Variants in GPR55 observed in about 807,000 individuals in gnomAD.
The protein encoded by GPR55 is G protein-coupled receptor 55.
In GPR55, 6 loss-of-function variants were observed where a neutral mutation model predicts 7.9. That is an observed-to-expected ratio of 0.76 (90% CI 0.41 to 1.49). GPR55 has a LOEUF of 1.49. GPR55 is among the 40% of genes most tolerant of loss of function. The pLI is 0.01. For missense variants in GPR55, 376 were observed against 406.0 expected, an observed-to-expected ratio of 0.93 and a Z score of 0.63; for synonymous variants, 183 against 166.8, an observed-to-expected ratio of 1.10 and a Z score of -0.75.
chr2:230,955,806 AG>A (rs1425526948), intron 1 of GPR55, among the ~76,000 whole-genome samples: 4 of 151,304 alleles, frequency 2.6e-5, no homozygotes, highest in Non-Finnish European at 4.4e-5. Context: ...GGCTCACTGC[AG>A]CCTTGACCTC....
intron 1 of GPR55, among the ~76,000 whole-genome samples, chr2:230,917,115 T>C (rs1690734138): frequency 6.6e-6 from 1 of 152,218 alleles, no homozygotes; most frequent in African/African-American, 2.4e-5. Flanking sequence ...CTTATTTTTA[T>C]AGAATAAAAT....
At chr2:230,928,435 C>A (rs1368617681), upstream of GPR55, 5 of 152,240 alleles carry the variant, frequency 3.3e-5, no homozygotes, top group Non-Finnish European at 7.3e-5. Flanking sequence ...CCTCTCTGAG[C>A]CCATTTCCCC....
chr2:230,917,758 T>G (rs1397629145), intron 1 of GPR55, among the ~76,000 whole-genome samples: 3 of 152,174 alleles, frequency 2.0e-5, no homozygotes, highest in Admixed American at 6.5e-5. Context: ...GAGGCTGCAG[T>G]GACCTGTGAT....
chr2:230,912,816 C>A (rs148930569), intron 1 of GPR55, among the ~76,000 whole-genome samples: 2 of 152,182 alleles, frequency 1.3e-5, no homozygotes, highest in African/African-American at 4.8e-5. Flanking sequence ...GTATTCCAGG[C>A]GCTCAATAAG....
rs1338502875 is a variant in GPR55, at chr2:230,909,943, G to A, written c.*60C>T. ...CCACCACATCAAAACCCTGGAACGC[G>A]ATATCCGTTACCAGAATTCAGGGCC... On this transcript the variant is annotated 3_prime_UTR_variant, in exon 2 of 2. Transcript: ENST00000650999. The A allele has an allele frequency of 1.6e-5, 25 of 1,515,444 alleles. No individual in the cohort carries two copies. The highest frequency in any genetic ancestry group is 2.2e-5 in the Non-Finnish European group (24 of 1,113,280). 93.9% of individuals were successfully genotyped at this position (1,515,444 alleles called of 1,614,324 possible).
chr2:230,956,816 ACC>A (rs1691489164), intron 1 of GPR55, among the ~76,000 whole-genome samples: 1 of 151,830 alleles, frequency 6.6e-6, no homozygotes, highest in African/African-American at 2.4e-5. Context: ...CTGTCTCCCT[ACC>A]TTTTTTCGTC....
intron 1 of GPR55, among the ~76,000 whole-genome samples, chr2:230,949,052 G>C (rs574312486): frequency 1.4e-3 from 213 of 152,356 alleles, no homozygotes; most frequent in African/African-American, 4.7e-3. Context: ...CTTGGCAACA[G>C]ACTGAGACCC....
chr2:230,930,577 A>G (rs998364624), intron 1 of GPR55, among the ~76,000 whole-genome samples: 1 of 150,752 alleles, frequency 6.6e-6, no homozygotes, highest in African/African-American at 2.4e-5. Flanking sequence ...CAGCCTCTCA[A>G]CTTCCCAGGA....
At chr2:230,940,072 C>G (rs536613243) in intron 1 of GPR55, among the ~76,000 whole-genome samples, 1 of 152,258 alleles carries the variant, frequency 6.6e-6, no homozygotes, top group South Asian at 2.1e-4. Flanking sequence ...TACGTGGCCC[C>G]CCTGGAGTCC....
intron 1 of GPR55, among the ~76,000 whole-genome samples, chr2:230,950,942 C>T (rs1012491233): frequency 7.9e-5 from 12 of 152,098 alleles, no homozygotes; most frequent in African/African-American, 1.9e-4. Flanking sequence ...AGAGAGCTTC[C>T]GGAGAGCTGA....
intron 1 of GPR55, among the ~76,000 whole-genome samples, chr2:230,942,998 A>G (rs1212711250): frequency 2.6e-5 from 4 of 151,744 alleles, no homozygotes; most frequent in Admixed American, 6.6e-5. Flanking sequence ...TGTCCTTGTG[A>G]CCTGAAGAGA....
chr2:230,921,854 T>C (rs1219813705), intron 1 of GPR55, among the ~76,000 whole-genome samples: 3 of 152,184 alleles, frequency 2.0e-5, no homozygotes, highest in African/African-American at 7.2e-5. Flanking sequence ...CAGAAAGGCC[T>C]AGAGATGCTC....
chr2:230,910,762 T>G lies in GPR55; in HGVS notation c.201A>C (p.Ala67=). 6.2e-7 allele frequency: 1 copy of G among 1,614,116 alleles called. No individual in the cohort carries two copies. The highest frequency in any genetic ancestry group is 1.1e-5 in the South Asian group (1 of 91,088). ...AGAGCACCAGCAGCAGGTCAAAGAC[T>G]GCCAGGTTGATCATGTAGATGGAGG... is the stretch of plus-strand genomic sequence containing the variant. ...AATSIYMINL[A]VFDLLLVLSL... is the part of the protein sequence containing the mutation. The change falls in exon 2 of 2, where the codon GCA becomes GCC. Residue 67 remains alanine (A), a synonymous_variant. Coordinates refer to ENST00000650999, the MANE Select transcript of GPR55 (RefSeq NM_005683.4). This position sits in a 1 kb window ranked among gnomAD's most constrained non-coding sequence, Gnocchi z 5.4.
At chr2:230,956,199 C>G (rs1691481964) in intron 1 of GPR55, among the ~76,000 whole-genome samples, 1 of 152,060 alleles carries the variant, frequency 6.6e-6, no homozygotes, top group Non-Finnish European at 1.5e-5. Context: ...GAGTCTCACT[C>G]TGTTGCCCAG....
chr2:230,950,885 C>T lies in GPR55; in HGVS notation c.-135+9890G>A, dbSNP rs569590493. 2.0e-4 allele frequency among the ~76,000 whole-genome samples: 31 copies of T among 152,170 alleles called. No homozygotes were observed. The South Asian group carries it at 6.2e-3, about 31-fold the overall frequency. ...CTGTCCTATGCCCTGAGAGAAGGAACGCTGACATCATGAAGCTTCCATAAA... is the reference window on the plus strand; with the variant it reads ...CTGTCCTATGCCCTGAGAGAAGGAATGCTGACATCATGAAGCTTCCATAAA... On this transcript the variant is annotated intron_variant, in intron 1 of 1. Transcript: ENST00000392039.
chr2:230,927,282 A>G (rs973562333), upstream of GPR55, among the ~76,000 whole-genome samples: 1 of 152,072 alleles, frequency 6.6e-6, no homozygotes, highest in African/African-American at 2.4e-5. Flanking sequence ...AGTAGAAGGC[A>G]TTGTCCACCT....
At position 230,934,734 on chromosome 2, in the gene GPR55, G is replaced by C. The variant is rs138046773; in HGVS notation, c.-134-23638C>G. 2.7e-3 allele frequency among the ~76,000 whole-genome samples: 413 copies of C among 152,180 alleles called. 3 individuals carry two copies. The highest frequency in any genetic ancestry group is 0.011 in the East Asian group (55 of 5,148). On this transcript the variant is annotated intron_variant, in intron 1 of 1. Transcript: ENST00000392039. ...CCATCTGTTCTGGTTTGCCCAGAAT[G>C]GATGGGACTCCTGGGGGGACTCTGG...
intron 1 of GPR55, among the ~76,000 whole-genome samples, chr2:230,935,074 C>T (rs1410106055): frequency 1.3e-5 from 2 of 151,912 alleles, no homozygotes; most frequent in African/African-American, 2.4e-5. Context: ...TCAGAGGAAA[C>T]GCCTGGGGTG....
chr2:230,956,921 CT>C (rs74270934), intron 1 of GPR55, among the ~76,000 whole-genome samples: 10,484 of 145,582 alleles, frequency 0.072, 754 homozygotes, highest in East Asian at 0.4. Flanking sequence ...TCAGATTAAC[CT>C]TTTTTTTTTT....
Sources: allele counts gnomAD v4.1 joint callset (sites outside exome capture counted in the v4.1 genomes callset), GRCh38; gene constraint gnomAD v4.1.1; non-coding constraint Gnocchi (gnomAD v3.1); transcripts MANE v1.5; gene names NCBI Gene and HGNC (gene_info 2026-07-23, HGNC 2026-07-21).